SSBP2: variants seen among roughly 807,000 people sequenced by gnomAD.
SSBP2 encodes single stranded DNA binding protein 2.
A neutral mutation model predicts 61.8 loss-of-function variants in SSBP2; 17 were observed. That is an observed-to-expected ratio of 0.28 (90% confidence interval 0.19 to 0.41). The LOEUF is 0.41. Ranked by LOEUF, SSBP2 falls within the 10% of genes least tolerant of loss-of-function variation. SSBP2 has a pLI of 1.00. For synonymous variants in SSBP2, 139 were observed against 141.3 expected (o/e 0.98, Z 0.12); for missense variants, 310 against 458.7 (o/e 0.68, Z 2.96).
chr5:81,589,562 C>T (rs1581105339), intron 4 of SSBP2, among the ~76,000 whole-genome samples: 1 of 152,196 alleles, frequency 6.6e-6, no homozygotes, highest in African/African-American at 2.4e-5. Context: ...TCTGAGTCAG[C>T]AACTCTATAA....
chr5:81,646,684 T>G (rs1749297252), intron 2 of SSBP2, among the ~76,000 whole-genome samples: 1 of 132,428 alleles, frequency 7.6e-6, no homozygotes, highest in Non-Finnish European at 1.6e-5. Flanking sequence ...AACCTGATGA[T>G]GTCATTTTTT....
At chr5:81,505,009 T>A (rs1019464937) in intron 5 of SSBP2, among the ~76,000 whole-genome samples, 1 of 152,198 alleles carries the variant, frequency 6.6e-6, no homozygotes. Flanking sequence ...CCCAGGACTC[T>A]CGTATTAGTA....
chr5:81,685,774 C>T (rs966675270), intron 1 of SSBP2, among the ~76,000 whole-genome samples: 9 of 152,126 alleles, frequency 5.9e-5, no homozygotes, highest in African/African-American at 2.2e-4. Flanking sequence ...CAGCCAAGGG[C>T]ACTTTTAGCC....
At chr5:81,575,752 T>C (rs1040256338) in intron 4 of SSBP2, among the ~76,000 whole-genome samples, 4 of 152,166 alleles carry the variant, frequency 2.6e-5, no homozygotes, top group Non-Finnish European at 4.4e-5. Context: ...AATATGAGGC[T>C]GTAGAAAATT....
In SSBP2 at chr5:81,474,709, A is replaced by T. The variant is rs968247497; in HGVS notation, c.433-147T>A. ...GATTTCTTATATTTCACATTCATTTATAAGTTTTGCAGGTTTATATACCTT... is the reference window on the plus strand; with the variant it reads ...GATTTCTTATATTTCACATTCATTTTTAAGTTTTGCAGGTTTATATACCTT... On this transcript the variant is annotated intron_variant, in intron 6 of 16. Transcript: ENST00000320672. 5 of 626,456 alleles carry T rather than the reference A, an allele frequency of 8.0e-6. No individual in the cohort carries two copies. In the African/African-American group the frequency reaches 9.4e-5, roughly 12 times the overall value. The allele number at this position is 626,456 out of a possible 1,614,324, so 38.8% of individuals were successfully genotyped here. A position where few individuals can be genotyped will look rare whatever the true frequency, so the allele number is the denominator to read the frequency against.
At chr5:81,619,530 G>A (rs1408065251) in intron 3 of SSBP2, among the ~76,000 whole-genome samples, 5 of 147,858 alleles carry the variant, frequency 3.4e-5, no homozygotes, top group African/African-American at 1.3e-4. Flanking sequence ...GAGGTACAGG[G>A]AGGAACTGGT....
intron 5 of SSBP2, among the ~76,000 whole-genome samples, chr5:81,490,315 T>C (rs1450849975): frequency 6.6e-6 from 1 of 152,000 alleles, no homozygotes; most frequent in East Asian, 1.9e-4. Context: ...GGCACCAAAA[T>C]TTTATAAGTT....
At position 81,454,325 on chromosome 5, in the gene SSBP2, A is replaced by G. The variant is rs1185788598; in HGVS notation, c.688-5500T>C. Among the ~76,000 whole-genome samples, 3 of 152,232 alleles carry G rather than the reference A, an allele frequency of 2.0e-5. No homozygotes were observed. In the East Asian group the frequency reaches 5.8e-4, roughly 29 times the overall value. On this transcript the variant is annotated intron_variant, in intron 10 of 16. Coordinates refer to ENST00000320672, the MANE Select transcript of SSBP2 (RefSeq NM_012446.5). ...CAGTCAATGGAAAGGGACATAGACT[A>G]AAGACTCATTTGAAAGAGTGAATGA...
At chr5:81,666,068 G>A (rs920698729) in intron 1 of SSBP2, among the ~76,000 whole-genome samples, 9 of 152,166 alleles carry the variant, frequency 5.9e-5, no homozygotes, top group Non-Finnish European at 7.3e-5. Flanking sequence ...TTAAGGAGGT[G>A]TGAAAAATTA....
intron 5 of SSBP2, among the ~76,000 whole-genome samples, chr5:81,491,303 G>T (rs1338059502): frequency 6.6e-6 from 1 of 152,158 alleles, no homozygotes; most frequent in East Asian, 1.9e-4. Flanking sequence ...CCACTTTGAA[G>T]TAGAATACAA....
chr5:81,428,929 C>T (rs1253307191), intron 15 of SSBP2, among the ~76,000 whole-genome samples: 1 of 152,092 alleles, frequency 6.6e-6, no homozygotes, highest in Non-Finnish European at 1.5e-5. Flanking sequence ...TTCTTAGCTT[C>T]AGAATCAATA....
At chr5:81,523,384 T>C (rs1008928142) in intron 4 of SSBP2, among the ~76,000 whole-genome samples, 4 of 152,022 alleles carry the variant, frequency 2.6e-5, no homozygotes, top group African/African-American at 9.7e-5. Context: ...AAAAGGTAGA[T>C]AACAAGAAAG....
intron 3 of SSBP2, among the ~76,000 whole-genome samples, chr5:81,620,395 A>T (rs1746459681): frequency 6.6e-6 from 1 of 151,290 alleles, no homozygotes; most frequent in Admixed American, 6.6e-5. Flanking sequence ...TCCAACTTAC[A>T]AGGGATGTGA....
At chr5:81,691,558 T>G (rs1561697021) in intron 1 of SSBP2, among the ~76,000 whole-genome samples, 1 of 151,242 alleles carries the variant, frequency 6.6e-6, no homozygotes, top group African/African-American at 2.4e-5. Flanking sequence ...AAATTAATGC[T>G]GTAATAAAAA....
At chr5:81,486,114 T>A (rs1341064129) in intron 6 of SSBP2, among the ~76,000 whole-genome samples, 1 of 152,106 alleles carries the variant, frequency 6.6e-6, no homozygotes, top group African/African-American at 2.4e-5. Context: ...ACAAAAAGAA[T>A]CCCTGAGAGA....
chr5:81,439,027 T>G (rs1405377055), intron 14 of SSBP2, among the ~76,000 whole-genome samples: 1 of 152,200 alleles, frequency 6.6e-6, no homozygotes, highest in Admixed American at 6.5e-5. Flanking sequence ...AATCAAGACT[T>G]TGCAATCTAG....
chr5:81,566,610 G>A (rs1026734646), intron 4 of SSBP2, among the ~76,000 whole-genome samples: 1 of 152,136 alleles, frequency 6.6e-6, no homozygotes, highest in African/African-American at 2.4e-5. Context: ...ACAGTAACTG[G>A]TACCAGTAGA....
chr5:81,625,357 C>T (rs980014489), intron 3 of SSBP2, among the ~76,000 whole-genome samples: 1 of 152,018 alleles, frequency 6.6e-6, no homozygotes, highest in African/African-American at 2.4e-5. Flanking sequence ...AGACTTTGCC[C>T]CTCTACAACC....
rs1761323501 is a variant in SSBP2, at chr5:81,416,724, T to TG, written c.*3779dup. On this transcript the variant is annotated 3_prime_UTR_variant, in exon 17 of 17. Transcript: ENST00000320672. ...AACTGAATAACCCTATGAAATGCAA[T>TG]GGAGTTCAGATATCTTAGAGAATCA... The TG allele has an allele frequency of 1.3e-5, 2 of 152,176 alleles. No homozygotes were observed. The highest frequency in any genetic ancestry group is 2.9e-5 in the Non-Finnish European group (2 of 68,040). The allele number at this position is 152,176 out of a possible 1,614,324, so 9.4% of individuals were successfully genotyped here.
Sources: gnomAD v4.1 joint callset for allele counts (sites outside exome capture counted in the v4.1 genomes callset) on GRCh38, gnomAD v4.1.1 for gene constraint, MANE v1.5 for transcripts, NCBI Gene and HGNC (gene_info 2026-07-23, HGNC 2026-07-21) for gene names.